Variants in TFG observed in about 807,000 individuals in gnomAD.
TFG encodes trafficking from ER to golgi regulator, also known as protein TFG.
Under a neutral mutation model 51.4 loss-of-function variants are expected in TFG, and 22 were observed. The ratio of observed to expected loss-of-function variants is 0.43; its 90% CI spans 0.31 to 0.61. TFG has a LOEUF of 0.61. TFG is among the 20% of genes least tolerant of loss of function. The pLI is 0.12. For missense variants in TFG, 419 were observed against 487.7 expected (o/e 0.86, Z 1.33); for synonymous variants, 187 against 165.6 (o/e 1.13, Z -0.99).
chr3:100,736,240 T>G (rs564484825), intron 5 of TFG, among the ~76,000 whole-genome samples: 3 of 152,218 alleles, frequency 2.0e-5, no homozygotes, highest in Admixed American at 6.5e-5. Flanking sequence ...CCTTGAAGAA[T>G]GAAGTGACAA....
intron 3 of TFG, among the ~76,000 whole-genome samples, chr3:100,720,435 G>A (rs2095057549): frequency 1.3e-5 from 2 of 152,204 alleles, no homozygotes; most frequent in African/African-American, 4.8e-5. Flanking sequence ...TCTGATACTT[G>A]AAACCAGTAG....
chr3:100,728,036 A>G (rs1261216616), intron 3 of TFG, among the ~76,000 whole-genome samples: 1 of 151,952 alleles, frequency 6.6e-6, no homozygotes, highest in Non-Finnish European at 1.5e-5. Flanking sequence ...GTCTCACTGT[A>G]TTGCTCAGGT....
At chr3:100,712,259 G>A (rs138632976) in intron 1 of TFG, among the ~76,000 whole-genome samples, 3 of 152,142 alleles carry the variant, frequency 2.0e-5, no homozygotes. Context: ...CATATAATAG[G>A]ATTCATGAAA....
chr3:100,748,634 C>A lies in TFG; in HGVS notation c.*103C>A. 3.9e-6 allele frequency: 5 copies of A among 1,275,146 alleles called. 1 individual carries two copies. The South Asian group carries it at 5.1e-5, about 13-fold the overall frequency. The allele number at this position is 1,275,146 out of a possible 1,614,324, so 79.0% of individuals were successfully genotyped here. ...TTGAAGAAGTTCAGAAATTTAAAAG[C>A]AGAGCATTTTTTATGATATCATTGT... On this transcript the variant is annotated 3_prime_UTR_variant, in exon 8 of 8. Transcript: ENST00000240851.
chr3:100,737,865 A>C (rs959294406), intron 6 of TFG, among the ~76,000 whole-genome samples: 1 of 152,130 alleles, frequency 6.6e-6, no homozygotes. Flanking sequence ...GCTGGGTGAC[A>C]TAGTGAGACC....
At position 100,733,044 on chromosome 3, in the gene TFG, T is replaced by C. The variant is rs147790951; in HGVS notation, c.580+372T>C. 1.3e-3 allele frequency among the ~76,000 whole-genome samples: 192 copies of C among 152,340 alleles called. 1 individual carries two copies. The highest frequency in any genetic ancestry group is 4.5e-3 in the African/African-American group (189 of 41,586). On this transcript the variant is annotated intron_variant, in intron 5 of 7. Transcript: ENST00000240851. ...TTCGAATTATATTTGATTTGTCTTATCTCCTCATCTTAGAGAAATTGAAAA... is the reference window on the plus strand; with the variant it reads ...TTCGAATTATATTTGATTTGTCTTACCTCCTCATCTTAGAGAAATTGAAAA...
At position 100,736,684 on chromosome 3, in the gene TFG, C is replaced by A. The variant is rs1170208575; in HGVS notation, c.689C>A (p.Thr230Lys). ...GTTCAGCCACAGCAGCCACCATATA[C>A]AGGAGCTCAGACTCAAGCAGGTCAG... ...PGVQPQQPPY[T>K]GAQTQAGQIE... The change falls in exon 6 of 8, where the codon ACA becomes AAA. Residue 230 changes from threonine (T) to lysine (K), a missense_variant. By Grantham distance (78) the Thr-to-Lys change is moderately conservative (BLOSUM62 -1). Transcript: ENST00000240851. 10 of 1,613,974 alleles carry A rather than the reference C, an allele frequency of 6.2e-6. No individual in the cohort carries two copies. The highest frequency in any genetic ancestry group is 8.5e-6 in the Non-Finnish European group (10 of 1,179,944).
intron 3 of TFG, among the ~76,000 whole-genome samples, chr3:100,725,921 G>T (rs1396376563): frequency 6.6e-6 from 1 of 152,214 alleles, no homozygotes; most frequent in East Asian, 1.9e-4. Context: ...ACATTATTAT[G>T]TGTGCTAGGG....
At chr3:100,742,482 A>G (rs980110661) in intron 6 of TFG, 9 of 152,218 alleles carry the variant, frequency 5.9e-5, no homozygotes, top group Admixed American at 3.9e-4. Flanking sequence ...GCTGAAATCT[A>G]TCCCATCAGC....
Position 100,717,541 on chromosome 3 carries a change from T to A in TFG, c.185-2434T>A, listed in dbSNP as rs568493891. Among the ~76,000 whole-genome samples, 5 of 152,086 alleles carry A rather than the reference T, an allele frequency of 3.3e-5. No homozygotes were observed. The East Asian group carries it at 9.6e-4, about 29-fold the overall frequency. ...TTTGTTCTTATATAAGCATGGGATG[T>A]CATTACATATGTATGCTCTTTGGTT... On this transcript the variant is annotated intron_variant, in intron 2 of 7. Coordinates refer to ENST00000240851, the MANE Select transcript of TFG (RefSeq NM_006070.6).
intron 3 of TFG, among the ~76,000 whole-genome samples, chr3:100,721,025 C>T (rs1184915288): frequency 1.3e-5 from 2 of 151,774 alleles, no homozygotes; most frequent in Non-Finnish European, 2.9e-5. Context: ...TCTATTTCAT[C>T]TCCATCTAGG....
Position 100,730,285 on chromosome 3 carries a change from A to C in TFG, c.415+1427A>C, listed in dbSNP as rs150876309. 3.7e-3 allele frequency among the ~76,000 whole-genome samples: 569 copies of C among 152,320 alleles called. 2 individuals carry two copies. Among genetic ancestry groups the C allele is most frequent in the African/African-American group, 0.012 (515 of 41,566 alleles). Reference sequence around the variant, plus strand: ...ATTTATGAGTTTTTTGCTTTAGGTGAAACTTTTTCCTCACCTCTTTCTTGC... The same window carrying C: ...ATTTATGAGTTTTTTGCTTTAGGTGCAACTTTTTCCTCACCTCTTTCTTGC... On this transcript the variant is annotated intron_variant, in intron 4 of 7. Transcript: ENST00000240851.
intron 6 of TFG, among the ~76,000 whole-genome samples, chr3:100,740,499 T>C (rs930258429): frequency 3.9e-5 from 6 of 152,186 alleles, no homozygotes; most frequent in Admixed American, 6.5e-5. Context: ...GTCACTGTCA[T>C]TTCTGCAATA....
At position 100,748,751 on chromosome 3, in the gene TFG, ACT is replaced by A. The variant is rs202022416; in HGVS notation, c.*221_*222del. On this transcript the variant is annotated 3_prime_UTR_variant, in exon 8 of 8. Transcript: ENST00000240851. ...TTAAAAATGTAGCAGCTTCTTAGTT[ACT>A]TTGGAACACTACTCTTACATGTATA... The A allele has an allele frequency of 9.6e-3, 5,064 of 526,864 alleles. 117 individuals are homozygous for A. The highest frequency in any genetic ancestry group is 0.052 in the Admixed American group (1,479 of 28,390). The allele number at this position is 526,864 out of a possible 1,614,324, so 32.6% of individuals were successfully genotyped here.
chr3:100,715,643 C>CT (rs2095043671), intron 2 of TFG, among the ~76,000 whole-genome samples: 1 of 152,038 alleles, frequency 6.6e-6, no homozygotes, highest in Non-Finnish European at 1.5e-5. Flanking sequence ...AAGGATAGTA[C>CT]TTTTTTCCTG....
intron 3 of TFG, among the ~76,000 whole-genome samples, chr3:100,724,596 A>G (rs969203482): frequency 6.6e-6 from 1 of 152,196 alleles, no homozygotes; most frequent in African/African-American, 2.4e-5. Context: ...GGGAATATAC[A>G]CTAATTCATT....
intron 5 of TFG, 24 bp from the exon 6 acceptor site, chr3:100,736,552 A>G (rs2149087409): frequency 1.9e-6 from 3 of 1,612,530 alleles, no homozygotes; most frequent in Non-Finnish European, 2.5e-6. Flanking sequence ...TGGATACTAA[A>G]CTGACTTTTT....
At chr3:100,710,752 A>G (rs954114011) in intron 1 of TFG, among the ~76,000 whole-genome samples, 3 of 152,220 alleles carry the variant, frequency 2.0e-5, no homozygotes, top group African/African-American at 7.2e-5. Context: ...TCATTTCTGG[A>G]CTTCAGAGGG....
chr3:100,713,630 C>A lies in TFG; in HGVS notation c.-43-13C>A. The A allele has an allele frequency of 7.7e-7, 1 of 1,297,532 alleles. No individual in the cohort carries two copies. The allele number at this position is 1,297,532 out of a possible 1,614,324, so 80.4% of individuals were successfully genotyped here. A position where few individuals can be genotyped will look rare whatever the true frequency, so the allele number is the denominator to read the frequency against. ...ATGTTTTGTTGTTTAATTATCAAAA[C>A]CACTTTTATCAGTCTTTCTCTAGAG... On this transcript the variant is annotated splice_polypyrimidine_tract_variant and intron_variant, in intron 1 of 7. Coordinates refer to ENST00000240851, the MANE Select transcript of TFG (RefSeq NM_006070.6).
Sources: gnomAD v4.1 joint callset for allele counts (sites outside exome capture counted in the v4.1 genomes callset) on GRCh38, gnomAD v4.1.1 for gene constraint, MANE v1.5 for transcripts, NCBI Gene and HGNC (gene_info 2026-07-23, HGNC 2026-07-21) for gene names.